Variants in DDX20 observed in about 807,000 individuals in gnomAD.
The protein encoded by DDX20 is probable ATP-dependent RNA helicase DDX20.
Under a neutral mutation model 76.4 loss-of-function variants are expected in DDX20, and 61 were observed. The ratio of observed to expected loss-of-function variants is 0.80; its 90% CI spans 0.65 to 0.99. The LOEUF (loss-of-function observed/expected upper bound fraction) is 0.99. Among genes scored for constraint, DDX20 ranks in the 50% least tolerant of loss-of-function variants. The probability of loss-of-function intolerance (pLI) is 0.00; values close to 1 mark genes in which losing one functional copy is unlikely to be tolerated. For missense variants in DDX20, 976 were observed against 996.8 expected, an observed-to-expected ratio of 0.98 and a Z score of 0.28; for synonymous variants, 357 against 357.4, an observed-to-expected ratio of 1.00 and a Z score of 0.01.
rs1436171886 is a variant in DDX20 at position 111,766,863 on chromosome 1, C to A, written c.2439C>A (p.Thr813=). The change falls in exon 11 of 11, where the codon ACC becomes ACA. Residue 813 remains threonine (T), a synonymous_variant. Transcript: ENST00000369702. ...GGATGGCAGCTTATCACATGAATAC[C>A]ATTTATCTACAAGAAATGATGCATA... The part of the protein sequence containing the change: ...PSWMAAYHMN[T]IYLQEMMHSN... The A allele has an allele frequency of 2.5e-6, 4 of 1,612,274 alleles. No homozygotes were observed. Among genetic ancestry groups the A allele is most frequent in the Non-Finnish European group, 2.5e-6 (3 of 1,179,234 alleles).
rs1455701900 is a variant in DDX20, at chr1:111,756,069, C to T, written c.145C>T (p.Pro49Ser). The T allele has an allele frequency of 6.2e-7, 1 of 1,607,340 alleles. No individual in the cohort carries two copies. Residue 49 changes from proline (P) to serine (S), a missense_variant, in exon 1 of 11, where the codon CCG becomes TCG. By Grantham distance (74) the Pro-to-Ser change is moderately conservative. This residue lies in a region of DDX20 where 343 missense variants were observed against 286.4 expected (regional missense o/e 1.20). Coordinates refer to ENST00000369702, the MANE Select transcript of DDX20 (RefSeq NM_007204.5). ...ILRTAQDLSS[P>S]RTRTGDVLLA... ...GCGGACCGCTCAGGATCTCAGCAGC[C>T]CGCGGACCCGCACGGGGGATGTGCT... is the stretch of plus-strand genomic sequence containing the variant.
Position 111,756,212 on chromosome 1 carries a change from G to T in DDX20, c.288G>T (p.Gly96=), listed in dbSNP as rs1050093233. The T allele has an allele frequency of 4.8e-6, 7 of 1,446,042 alleles. No homozygotes were observed. Among genetic ancestry groups the T allele is most frequent in the Middle Eastern group, 5.0e-4 (2 of 4,014 alleles). The allele number at this position is 1,446,042 out of a possible 1,614,324, so 89.6% of individuals were successfully genotyped here. A position where few individuals can be genotyped will look rare whatever the true frequency, so the allele number is the denominator to read the frequency against. ...SPVQLKAIPL[G]RCGLDLIVQA... is the part of the protein sequence containing the mutation. Reference sequence around the variant, plus strand: ...TGCAGCTCAAGGCCATCCCGTTGGGGCGCTGCGGGCTCGGTGAGAGCGGGG... The same window carrying T: ...TGCAGCTCAAGGCCATCCCGTTGGGTCGCTGCGGGCTCGGTGAGAGCGGGG... Residue 96 remains glycine (G), a synonymous_variant, in exon 1 of 11, where the codon GGG becomes GGT. Transcript: ENST00000369702.
chr1:111,759,858 C>G (rs989194318), intron 3 of DDX20, among the ~76,000 whole-genome samples: 1 of 150,418 alleles, frequency 6.6e-6, no homozygotes, highest in African/African-American at 2.4e-5. Flanking sequence ...CCTGTAGTCC[C>G]AGCTACTCGG....
intron 2 of DDX20, 131 bp from the exon 3 acceptor site, chr1:111,759,269 C>CTTACCTT: frequency 3.8e-6 from 3 of 784,804 alleles, no homozygotes; most frequent in Non-Finnish European, 5.7e-6. Context: ...ATAACTGTAC[C>CTTACCTT]TTACCTTATC....
At chr1:111,759,846 C>T (rs1487416315) in intron 3 of DDX20, among the ~76,000 whole-genome samples, 1 of 151,012 alleles carries the variant, frequency 6.6e-6, no homozygotes. Context: ...TGGTAGCGGG[C>T]GCCTGTAGTC....
At position 111,765,963 on chromosome 1, in the gene DDX20, AC is replaced by A. The variant is rs1557923956; in HGVS notation, c.1540del (p.Gln514LysfsTer5). 1 of 1,613,534 alleles carries A rather than the reference AC, an allele frequency of 6.2e-7. No individual in the cohort carries two copies. Among genetic ancestry groups the A allele is most frequent in the East Asian group, 2.2e-5 (1 of 44,884 alleles). On this transcript the variant is annotated frameshift_variant, in exon 11 of 11. Coordinates refer to ENST00000369702, the MANE Select transcript of DDX20 (RefSeq NM_007204.5). LOFTEE classifies it high-confidence loss of function. ...CAGTCAAATCAAAAAATAATACCAA[AC>A]AAAAGCTTCCTGTGAAAAGCCACTC... Reference protein sequence around the residue: ...LSVKSKNNTKQKLPVKSHSEC... With the variant: ...LSVKSKNNTKXKLPVKSHSEC...
At chr1:111,765,704 A>G in intron 10 of DDX20, 33 bp from the exon 11 acceptor site, 1 of 1,524,920 alleles carries the variant, frequency 6.6e-7, no homozygotes, top group Non-Finnish European at 8.8e-7. Flanking sequence ...GTAGCTTGAG[A>G]ATTTTAATAC....
rs1428347318 is a variant in DDX20 at position 111,767,169 on chromosome 1, A to C, written c.*270A>C. ...ATAGAGCTGAAAGTTTCAGGGTGCC[A>C]TTTTCTATAAGATCTTCCCAAAAGA... is the stretch of plus-strand genomic sequence containing the variant. On this transcript the variant is annotated 3_prime_UTR_variant, in exon 11 of 11. Transcript: ENST00000369702. 2.5e-5 allele frequency: 7 copies of C among 283,756 alleles called. No individual in the cohort carries two copies. Among genetic ancestry groups the C allele is most frequent in the Non-Finnish European group, 4.6e-5 (7 of 151,216 alleles). 17.6% of individuals were successfully genotyped at this position (283,756 alleles called of 1,614,324 possible).
At chr1:111,761,542 T>C (rs114738411) in intron 7 of DDX20, 7,363 of 324,076 alleles carry the variant, frequency 0.023, 95 homozygotes, top group Non-Finnish European at 0.031. Context: ...ATCTCTCTTA[T>C]AGCCACATAT....
chr1:111,767,309 C>T lies in DDX20; in HGVS notation c.*410C>T, dbSNP rs1663803555. The T allele has an allele frequency of 6.4e-6, 1 of 156,988 alleles. No individual in the cohort carries two copies. The highest frequency in any genetic ancestry group is 1.9e-4 in the South Asian group (1 of 5,260). The allele number at this position is 156,988 out of a possible 1,614,324, so 9.7% of individuals were successfully genotyped here. On this transcript the variant is annotated 3_prime_UTR_variant, in exon 11 of 11. Coordinates refer to ENST00000369702, the MANE Select transcript of DDX20 (RefSeq NM_007204.5). ...TTACAAAGGGCTTAGGCTGCATTTC[C>T]TTCTATAGAGGTGCATTCTTGTAGA...
In DDX20 at chr1:111,759,510, C is replaced by T. The variant is rs773166926; in HGVS notation, c.507C>T (p.Thr169=). The T allele has an allele frequency of 6.2e-7, 1 of 1,613,706 alleles. No homozygotes were observed. The highest frequency in any genetic ancestry group is 1.3e-5 in the African/African-American group (1 of 74,948). Residue 169 remains threonine (T), a synonymous_variant, in exon 3 of 11, where the codon ACC becomes ACT. Transcript: ENST00000369702. The part of the protein sequence containing the change: ...GLECHVFIGG[T]PLSQDKTRLK... ...AGTGTCATGTCTTTATTGGAGGGAC[C>T]CCATTATCACAAGACAAAACCAGAC...
In DDX20 at chr1:111,765,887, C is replaced by T; in HGVS notation, c.1463C>T (p.Ala488Val). 10 of 1,614,124 alleles carry T rather than the reference C, an allele frequency of 6.2e-6. No homozygotes were observed. Among genetic ancestry groups the T allele is most frequent in the Non-Finnish European group, 7.6e-6 (9 of 1,180,006 alleles). Reference sequence around the variant, plus strand: ...GAGAGAACCCTTCAAATTCAGAAAGCTCATGGTGACCACATGGCTTCCTCT... The same window carrying T: ...GAGAGAACCCTTCAAATTCAGAAAGTTCATGGTGACCACATGGCTTCCTCT... ...KIERTLQIQK[A>V]HGDHMASSRN... Residue 488 changes from alanine to valine, a missense_variant, in exon 11 of 11, where the codon GCT (alanine) becomes GTT (valine). Coordinates refer to ENST00000369702, the MANE Select transcript of DDX20 (RefSeq NM_007204.5).
chr1:111,756,225 G>A lies in DDX20; in HGVS notation c.301G>A (p.Asp101Asn), dbSNP rs1392050905. 2 of 1,427,452 alleles carry A rather than the reference G, an allele frequency of 1.4e-6. No individual in the cohort carries two copies. The highest frequency in any genetic ancestry group is 1.5e-5 in the African/African-American group (1 of 67,496). 88.4% of individuals were successfully genotyped at this position (1,427,452 alleles called of 1,614,324 possible). ...CATCCCGTTGGGGCGCTGCGGGCTCGGTGAGAGCGGGGGCCCGGGATAGGT... is the reference window on the plus strand; with the variant it reads ...CATCCCGTTGGGGCGCTGCGGGCTCAGTGAGAGCGGGGGCCCGGGATAGGT... ...KAIPLGRCGL[D>N]LIVQAKSGTG... The change falls in exon 1 of 11, where the codon GAT becomes AAT. Residue 101 changes from aspartate (D) to asparagine (N), a missense_variant and splice_region_variant. By Grantham distance (23) the Asp-to-Asn change is conservative. This residue lies in a region of DDX20 where 343 missense variants were observed against 286.4 expected (regional missense o/e 1.20). Transcript: ENST00000369702.
Position 111,760,573 on chromosome 1 carries a change from T to C in DDX20, c.665T>C (p.Phe222Ser). 6.2e-7 allele frequency: 1 copy of C among 1,612,500 alleles called. No individual in the cohort carries two copies. The highest frequency in any genetic ancestry group is 8.5e-7 in the Non-Finnish European group (1 of 1,179,546). ...GATAAGCTTTTAGAAGAAGGCAGCT[T>C]CCAGGAGCAAATAAAGTAAGAAAAA... ...EADKLLEEGSFQEQINWIYSS... is the reference protein window; with the variant it reads ...EADKLLEEGSSQEQINWIYSS... Residue 222 changes from phenylalanine to serine, a missense_variant, in exon 4 of 11, where the codon TTC (phenylalanine) becomes TCC (serine). By Grantham distance (155) the Phe-to-Ser change is radical. Around this residue, in one of 3 missense-constraint regions of DDX20, gnomAD observed 343 missense variants for 286.4 expected, o/e 1.20. Coordinates refer to ENST00000369702, the MANE Select transcript of DDX20 (RefSeq NM_007204.5).
intron 10 of DDX20, 27 bp from the exon 11 acceptor site, chr1:111,765,710 A>G (rs756547860): frequency 3.3e-6 from 5 of 1,532,268 alleles, no homozygotes; most frequent in Non-Finnish European, 4.4e-6. Context: ...TGAGAATTTT[A>G]ATACATTTTT....
At chr1:111,756,617 C>T in intron 1 of DDX20, 29 bp from the exon 2 acceptor site, 1 of 1,599,162 alleles carries the variant, frequency 6.3e-7, no homozygotes, top group South Asian at 1.1e-5. Context: ...TGAGTACTGG[C>T]TAGTGATAAT....
At chr1:111,759,973 CAAAA>C (rs754870294) in intron 3 of DDX20, among the ~76,000 whole-genome samples, 5 of 57,620 alleles carry the variant, frequency 8.7e-5, no homozygotes, top group South Asian at 6.3e-4. Flanking sequence ...GACTCCATCT[CAAAA>C]AAAAAAAAAA....
Position 111,766,513 on chromosome 1 carries a change from G to C in DDX20, c.2089G>C (p.Glu697Gln), listed in dbSNP as rs1311919973. The C allele has an allele frequency of 6.2e-7, 1 of 1,614,078 alleles. No homozygotes were observed. Among genetic ancestry groups the C allele is most frequent in the African/African-American group, 1.3e-5 (1 of 75,010 alleles). The change falls in exon 11 of 11, where the codon GAA (glutamate) becomes CAA (glutamine). Residue 697 changes from glutamate to glutamine, a missense_variant. Glu to Gln is a conservative substitution (Grantham distance 29). This residue lies in a region of DDX20 where 630 missense variants were observed against 693.7 expected (regional missense o/e 0.91). Transcript: ENST00000369702. ...STPVDDRISL[E>Q]QPPNGSDTPN... is the part of the protein sequence containing the mutation. ...GCCTGTGGATGATCGTATTTCTTTG[G>C]AACAACCACCAAATGGAAGTGACAC...
rs572170693 is a variant in DDX20 at position 111,755,939 on chromosome 1, T to A, written c.15T>A (p.Phe5Leu). 2 of 1,577,762 alleles carry A rather than the reference T, an allele frequency of 1.3e-6. No individual in the cohort carries two copies. Among genetic ancestry groups the A allele is most frequent in the South Asian group, 2.3e-5 (2 of 87,720 alleles). Residue 5 changes from phenylalanine (F) to leucine (L), a missense_variant, in exon 1 of 11, where the codon TTT becomes TTA. Around this residue, in one of 3 missense-constraint regions of DDX20, gnomAD observed 343 missense variants for 286.4 expected, o/e 1.20. Transcript: ENST00000369702. Reference protein sequence around the residue: MAAAFEASGALAAVA... With the variant: MAAALEASGALAAVA... The stretch of plus-strand genomic sequence containing the variant: ...GCGCGGCTACCATGGCGGCGGCATT[T>A]GAAGCCTCGGGAGCCTTAGCAGCAG...
Sources: gnomAD v4.1 joint callset for allele counts (sites outside exome capture counted in the v4.1 genomes callset) on GRCh38, gnomAD v4.1.1 for gene constraint, gnomAD v4.1.1 regional missense constraint, MANE v1.5 for transcripts, NCBI Gene and HGNC (gene_info 2026-07-23, HGNC 2026-07-21) for gene names.